The following ST6GALNAC3 variants were observed in gnomAD, a reference collection of about 807,000 sequenced individuals.
ST6GALNAC3 encodes ST6 N-acetylgalactosaminide alpha-2,6-sialyltransferase 3, also known as alpha-N-acetylgalactosaminide alpha-2,6-sialyltransferase 3.
In ST6GALNAC3, 25 loss-of-function variants were observed where a neutral mutation model predicts 32.7. That is an observed-to-expected ratio of 0.76 (90% confidence interval 0.56 to 1.07). ST6GALNAC3 has a LOEUF of 1.07. Among genes scored for constraint, ST6GALNAC3 ranks in the 50% least tolerant of loss-of-function variants. The pLI is 0.00. For missense variants in ST6GALNAC3, 355 were observed against 382.4 expected (o/e 0.93, Z 0.60); for synonymous variants, 129 against 133.1 (o/e 0.97, Z 0.21).
At chr1:76,118,743 T>C (rs762378011) in intron 1 of ST6GALNAC3, among the ~76,000 whole-genome samples, 8 of 152,214 alleles carry the variant, frequency 5.3e-5, no homozygotes, top group Non-Finnish European at 8.8e-5. Context: ...CAAATCATAT[T>C]TCTATAAGGA....
At chr1:76,356,403 A>ACT (rs1649447194) in intron 2 of ST6GALNAC3, among the ~76,000 whole-genome samples, 1 of 141,562 alleles carries the variant, frequency 7.1e-6, no homozygotes, top group African/African-American at 2.7e-5. Context: ...CCCGATCTAG[A>ACT]CTCTGGTGAT....
At chr1:76,587,818 C>A (rs1646985497) in intron 3 of ST6GALNAC3, among the ~76,000 whole-genome samples, 1 of 152,122 alleles carries the variant, frequency 6.6e-6, no homozygotes. Flanking sequence ...AGCCTGAAGG[C>A]TGGGATTGGT....
chr1:76,254,636 A>T lies in ST6GALNAC3; in HGVS notation c.19-59169A>T, dbSNP rs184425723. 5.3e-5 allele frequency among the ~76,000 whole-genome samples: 8 copies of T among 152,240 alleles called. No homozygotes were observed. In the East Asian group the frequency reaches 7.7e-4, roughly 15 times the overall value. On this transcript the variant is annotated intron_variant, in intron 1 of 4. Coordinates refer to ENST00000328299, the MANE Select transcript of ST6GALNAC3 (RefSeq NM_152996.4). ...CTGAATTCAAGACTGCCCTATAGGC[A>T]TTGGGAATCTAGTTAATGCCACTAT...
chr1:76,229,886 A>G (rs567904639), intron 1 of ST6GALNAC3, among the ~76,000 whole-genome samples: 6 of 152,312 alleles, frequency 3.9e-5, no homozygotes, highest in African/African-American at 1.4e-4. Flanking sequence ...CCCAGTAGGG[A>G]GGAGCAGAGG....
intron 1 of ST6GALNAC3, among the ~76,000 whole-genome samples, chr1:76,078,083 T>C (rs1476863663): frequency 2.0e-5 from 3 of 152,164 alleles, no homozygotes; most frequent in African/African-American, 4.8e-5. Context: ...ACTGATGATA[T>C]TGGAGTTGTG....
intron 3 of ST6GALNAC3, among the ~76,000 whole-genome samples, chr1:76,473,798 C>T (rs1659181157): frequency 6.6e-6 from 1 of 152,120 alleles, no homozygotes. Flanking sequence ...GAGGTGGAGT[C>T]TACATTTCCT....
intron 2 of ST6GALNAC3, among the ~76,000 whole-genome samples, chr1:76,359,754 G>A (rs1415761776): frequency 6.6e-6 from 1 of 152,166 alleles, no homozygotes; most frequent in Non-Finnish European, 1.5e-5. Context: ...ACAATTTGAG[G>A]CTACTAATAT....
intron 3 of ST6GALNAC3, among the ~76,000 whole-genome samples, chr1:76,520,178 G>T (rs1488716569): frequency 6.6e-6 from 1 of 151,942 alleles, no homozygotes. Flanking sequence ...GAAAAGTATT[G>T]ATAGTGTCAT....
intron 2 of ST6GALNAC3, among the ~76,000 whole-genome samples, chr1:76,374,118 T>A (rs1354192801): frequency 1.3e-5 from 2 of 152,218 alleles, no homozygotes; most frequent in Non-Finnish European, 2.9e-5. Context: ...GAGAACTCTT[T>A]TGTCAAAGTA....
intron 1 of ST6GALNAC3, among the ~76,000 whole-genome samples, chr1:76,154,059 G>T (rs1217772348): frequency 6.6e-6 from 1 of 152,128 alleles, no homozygotes; most frequent in Non-Finnish European, 1.5e-5. Context: ...GGCAAACACT[G>T]ATCAGGAGAG....
chr1:76,157,651 A>AT (rs372187718), intron 1 of ST6GALNAC3, among the ~76,000 whole-genome samples: 22 of 152,226 alleles, frequency 1.4e-4, no homozygotes, highest in Middle Eastern at 3.4e-3. Context: ...TGCCTAAATG[A>AT]TTTTTTTAAA....
At chr1:76,575,618 G>A (rs138274116) in intron 3 of ST6GALNAC3, among the ~76,000 whole-genome samples, 121 of 152,142 alleles carry the variant, frequency 8.0e-4, no homozygotes, top group Non-Finnish European at 1.3e-3. Context: ...GGAGATGGTG[G>A]TAAGTCCACA....
intron 2 of ST6GALNAC3, among the ~76,000 whole-genome samples, chr1:76,372,918 T>C (rs533071869): frequency 1.3e-5 from 2 of 152,270 alleles, no homozygotes; most frequent in South Asian, 4.1e-4. Context: ...GCCTCTCTTC[T>C]TGCCTCCTCC....
At chr1:76,493,239 C>A (rs1009338520) in intron 3 of ST6GALNAC3, among the ~76,000 whole-genome samples, 1 of 152,130 alleles carries the variant, frequency 6.6e-6, no homozygotes, top group Non-Finnish European at 1.5e-5. Context: ...GAGGCAGATG[C>A]TGCCATATAG....
intron 1 of ST6GALNAC3, among the ~76,000 whole-genome samples, chr1:76,251,094 T>C (rs140417921): frequency 2.0e-5 from 3 of 150,970 alleles, no homozygotes; most frequent in Admixed American, 2.0e-4. Flanking sequence ...TCTCCTACCC[T>C]TTTTTTTTAT....
Position 76,313,828 on chromosome 1 carries a change from C to G in ST6GALNAC3, c.42C>G (p.Ser14Arg). The G allele has an allele frequency of 6.2e-7, 1 of 1,613,328 alleles. No individual in the cohort carries two copies. The highest frequency in any genetic ancestry group is 1.1e-5 in the South Asian group (1 of 91,018). The change falls in exon 2 of 5, where the codon AGC becomes AGG. Residue 14 changes from serine (S) to arginine (R), a missense_variant. Ser to Arg is a moderately radical substitution (Grantham distance 110). Transcript: ENST00000328299. ...ILKRKSVIAV[S>R]FIAAFLFLLV... is the part of the protein sequence containing the mutation. ...AGAGAAAGTCTGTGATTGCTGTGAGCTTCATAGCAGCGTTCCTTTTCCTGC... is the reference window on the plus strand; with the variant it reads ...AGAGAAAGTCTGTGATTGCTGTGAGGTTCATAGCAGCGTTCCTTTTCCTGC...
intron 1 of ST6GALNAC3, among the ~76,000 whole-genome samples, chr1:76,232,917 T>C (rs1456754563): frequency 6.6e-6 from 1 of 152,180 alleles, no homozygotes; most frequent in Non-Finnish European, 1.5e-5. Flanking sequence ...GGCTTTGAAG[T>C]TGGAGCAACT....
chr1:76,167,222 T>G (rs943056091), intron 1 of ST6GALNAC3, among the ~76,000 whole-genome samples: 1 of 152,250 alleles, frequency 6.6e-6, no homozygotes, highest in Non-Finnish European at 1.5e-5. Flanking sequence ...ATGTTGAATT[T>G]TATGGAGAGC....
intron 3 of ST6GALNAC3, among the ~76,000 whole-genome samples, chr1:76,570,244 T>A (rs1490188994): frequency 1.3e-5 from 2 of 152,138 alleles, no homozygotes. Context: ...CTTTATGGAA[T>A]GTTATTAAAA....
Sources: allele counts gnomAD v4.1 joint callset (sites outside exome capture counted in the v4.1 genomes callset), GRCh38; gene constraint gnomAD v4.1.1; transcripts MANE v1.5; gene names NCBI Gene and HGNC (gene_info 2026-07-23, HGNC 2026-07-21).